The following SGCZ variants were observed in gnomAD, a reference collection of about 807,000 sequenced individuals.
SGCZ encodes sarcoglycan zeta.
Under a neutral mutation model 41.3 loss-of-function variants are expected in SGCZ, and 40 were observed. The observed-to-expected ratio is 0.97, with a 90% confidence interval of 0.75 to 1.26. The LOEUF (loss-of-function observed/expected upper bound fraction) is 1.26, where lower values mean the gene tolerates loss of function less well. Among genes scored for constraint, SGCZ ranks in the 50% most tolerant of loss-of-function variants. The pLI is 0.00. For missense variants in SGCZ, 552 were observed against 369.8 expected (o/e 1.49, Z -4.04); for synonymous variants, 206 against 137.5 (o/e 1.50, Z -3.49).
intron 1 of SGCZ, among the ~76,000 whole-genome samples, chr8:14,731,878 C>G (rs1385217367): frequency 6.6e-6 from 1 of 152,152 alleles, no homozygotes; most frequent in Non-Finnish European, 1.5e-5. Context: ...GCTCCCCACT[C>G]AAAACACCTA....
chr8:14,870,613 G>T (rs1156822876), intron 1 of SGCZ, among the ~76,000 whole-genome samples: 1 of 152,016 alleles, frequency 6.6e-6, no homozygotes, highest in African/African-American at 2.4e-5. Flanking sequence ...AAGAGCTTCT[G>T]CACAGCAAAA....
chr8:14,687,537 T>C (rs1808654822), intron 1 of SGCZ, among the ~76,000 whole-genome samples: 1 of 151,962 alleles, frequency 6.6e-6, no homozygotes, highest in Non-Finnish European at 1.5e-5. Flanking sequence ...TCATTTTTTA[T>C]GGCTGCATAG....
chr8:14,800,439 C>A (rs1161912564), intron 1 of SGCZ, among the ~76,000 whole-genome samples: 4 of 152,148 alleles, frequency 2.6e-5, no homozygotes, highest in Non-Finnish European at 5.9e-5. Flanking sequence ...TATTTTGCAT[C>A]TCTATGAATT....
chr8:14,783,949 G>C (rs1229458765), intron 1 of SGCZ, among the ~76,000 whole-genome samples: 1 of 151,878 alleles, frequency 6.6e-6, no homozygotes, highest in African/African-American at 2.4e-5. Context: ...AATCATTCTT[G>C]TTCTTCAGAT....
intron 4 of SGCZ, among the ~76,000 whole-genome samples, chr8:14,195,998 T>C (rs1231936264): frequency 6.6e-6 from 1 of 152,116 alleles, no homozygotes; most frequent in African/African-American, 2.4e-5. Flanking sequence ...AAACACAATT[T>C]TCTTATTATT....
intron 4 of SGCZ, among the ~76,000 whole-genome samples, chr8:14,198,173 T>C (rs1015354111): frequency 1.3e-5 from 2 of 152,246 alleles, no homozygotes; most frequent in Non-Finnish European, 2.9e-5. Flanking sequence ...GCCATCTCAT[T>C]CTGTCCCACC....
At position 14,396,926 on chromosome 8, in the gene SGCZ, A is replaced by AT. The variant is rs559587169; in HGVS notation, c.235-72723dup. Among the ~76,000 whole-genome samples the AT allele has an allele frequency of 2.8e-4, 43 of 152,310 alleles. 1 individual carries two copies. Among genetic ancestry groups the AT allele is most frequent in the African/African-American group, 1.0e-3 (42 of 41,584 alleles). On this transcript the variant is annotated intron_variant, in intron 2 of 7. Transcript: ENST00000382080. ...TTGCAGGGAGCTTAGGTTTTAACCA[A>AT]TGGAAATGTGCTGAATTGCTTTAAG...
chr8:14,679,434 C>A (rs956713730), intron 1 of SGCZ, among the ~76,000 whole-genome samples: 1 of 151,410 alleles, frequency 6.6e-6, no homozygotes, highest in Non-Finnish European at 1.5e-5. Context: ...ATCCTGACCC[C>A]GCATAGGCCC....
intron 3 of SGCZ, among the ~76,000 whole-genome samples, chr8:14,294,593 T>G (rs1800949702): frequency 1.3e-5 from 2 of 152,070 alleles, no homozygotes; most frequent in African/African-American, 4.8e-5. Context: ...AGGGATGCTC[T>G]GATTCTTGAA....
chr8:15,095,150 G>T (rs981886780), intron 1 of SGCZ, among the ~76,000 whole-genome samples: 12 of 152,114 alleles, frequency 7.9e-5, no homozygotes, highest in Non-Finnish European at 1.2e-4. Flanking sequence ...CCAGGCTGGA[G>T]TGCAATGGCG....
intron 1 of SGCZ, among the ~76,000 whole-genome samples, chr8:15,020,114 A>G (rs1051915442): frequency 2.0e-5 from 3 of 151,990 alleles, no homozygotes; most frequent in Admixed American, 2.0e-4. Context: ...AGACTCCCCA[A>G]ACTAGATTGG....
intron 1 of SGCZ, among the ~76,000 whole-genome samples, chr8:14,608,723 C>T (rs1268763968): frequency 2.0e-5 from 3 of 151,984 alleles, no homozygotes; most frequent in Non-Finnish European, 4.4e-5. Flanking sequence ...GGGATCCACC[C>T]CCACGGCCCA....
intron 2 of SGCZ, among the ~76,000 whole-genome samples, chr8:14,448,421 C>T (rs1395856814): frequency 6.6e-6 from 1 of 152,142 alleles, no homozygotes; most frequent in Admixed American, 6.5e-5. Context: ...TAATACAAGC[C>T]ACACTTTACT....
At chr8:14,302,136 C>G (rs1201511586) in intron 3 of SGCZ, among the ~76,000 whole-genome samples, 1 of 150,712 alleles carries the variant, frequency 6.6e-6, no homozygotes, top group Non-Finnish European at 1.5e-5. Flanking sequence ...GGAGAGGAAC[C>G]TATTATGTTA....
intron 4 of SGCZ, among the ~76,000 whole-genome samples, chr8:14,167,723 A>G (rs1804251331): frequency 6.6e-6 from 1 of 152,212 alleles, no homozygotes. Context: ...AACCACCACC[A>G]TCACCAAGGA....
intron 1 of SGCZ, among the ~76,000 whole-genome samples, chr8:14,984,087 C>G (rs1468581182): frequency 1.3e-5 from 2 of 152,090 alleles, no homozygotes; most frequent in African/African-American, 2.4e-5. Flanking sequence ...CATCTTTACT[C>G]TTTTATTACA....
At chr8:14,933,267 C>G (rs1799972354) in intron 1 of SGCZ, among the ~76,000 whole-genome samples, 1 of 151,750 alleles carries the variant, frequency 6.6e-6, no homozygotes, top group Non-Finnish European at 1.5e-5. Context: ...TCTGCCAAAA[C>G]CTAGTAACTT....
At chr8:14,302,755 C>G (rs978731338) in intron 3 of SGCZ, among the ~76,000 whole-genome samples, 2 of 152,084 alleles carry the variant, frequency 1.3e-5, no homozygotes, top group African/African-American at 4.8e-5. Context: ...ACAGAAACAC[C>G]GACCCTAAAT....
At chr8:14,293,758 ATAAT>A (rs1800922189) in intron 3 of SGCZ, among the ~76,000 whole-genome samples, 1 of 151,940 alleles carries the variant, frequency 6.6e-6, no homozygotes, top group African/African-American at 2.4e-5. Flanking sequence ...TAAGAGGACT[ATAAT>A]TAAGCATTTT....
Sources: gnomAD v4.1 joint callset for allele counts (sites outside exome capture counted in the v4.1 genomes callset) on GRCh38, gnomAD v4.1.1 for gene constraint, MANE v1.5 for transcripts, NCBI Gene and HGNC (gene_info 2026-07-23, HGNC 2026-07-21) for gene names.